Variants in MPPED2 observed in about 807,000 individuals in gnomAD.
The protein encoded by MPPED2 is metallophosphoesterase domain containing 2.
Under a neutral mutation model 33.0 loss-of-function variants are expected in MPPED2, and 5 were observed. That is an observed-to-expected ratio of 0.15 (90% CI 0.08 to 0.32). The LOEUF (loss-of-function observed/expected upper bound fraction) is 0.32, where lower values mean the gene tolerates loss of function less well. MPPED2 is among the 10% of genes least tolerant of loss of function. The pLI is 1.00. For missense variants in MPPED2, 275 were observed against 372.1 expected, an observed-to-expected ratio of 0.74 and a Z score of 2.15; for synonymous variants, 136 against 141.9, an observed-to-expected ratio of 0.96 and a Z score of 0.29.
At position 30,410,788 on chromosome 11, in the gene MPPED2, T is replaced by C. The variant is rs913477230; in HGVS notation, c.*680A>G. On this transcript the variant is annotated 3_prime_UTR_variant, in exon 7 of 7. Transcript: ENST00000358117. ...GTATGAAATACCTGCTCTTGACAGA[T>C]TCCATTTCTGTATTTTTAAAGCTGA... 1 of 985,328 alleles carries C rather than the reference T, an allele frequency of 1.0e-6. No homozygotes were observed. Among genetic ancestry groups the C allele is most frequent in the Admixed American group, 6.2e-5 (1 of 16,260 alleles). The allele number at this position is 985,328 out of a possible 1,614,324, so 61.0% of individuals were successfully genotyped here.
chr11:30,489,674 C>G (rs1051608440), intron 4 of MPPED2, among the ~76,000 whole-genome samples: 5 of 152,188 alleles, frequency 3.3e-5, no homozygotes, highest in Admixed American at 2.6e-4. Flanking sequence ...TCCACTCTAA[C>G]GTGAAAAAAT....
chr11:30,553,256 A>T (rs566021811), intron 2 of MPPED2, among the ~76,000 whole-genome samples: 1 of 152,310 alleles, frequency 6.6e-6, no homozygotes, highest in East Asian at 1.9e-4. Flanking sequence ...TTTCTTTTTT[A>T]AAAAAGAAGG....
At chr11:30,528,062 C>G (rs536905383) in intron 3 of MPPED2, among the ~76,000 whole-genome samples, 39 of 152,080 alleles carry the variant, frequency 2.6e-4, no homozygotes, top group South Asian at 2.1e-4. Context: ...ATGTTGAAAC[C>G]AGGATTTAAA....
intron 3 of MPPED2, among the ~76,000 whole-genome samples, chr11:30,509,653 C>T (rs1275362563): frequency 1.3e-5 from 2 of 152,114 alleles, no homozygotes; most frequent in Non-Finnish European, 2.9e-5. Flanking sequence ...TGAAAGAATC[C>T]ATGCTAATTT....
intron 4 of MPPED2, chr11:30,425,551 A>G (rs757388216): frequency 6.6e-6 from 1 of 152,182 alleles, no homozygotes; most frequent in Non-Finnish European, 1.5e-5. Context: ...ACGCCCATCC[A>G]TCATGCAAAG....
chr11:30,531,283 C>T (rs1954510332), intron 3 of MPPED2, among the ~76,000 whole-genome samples: 1 of 152,162 alleles, frequency 6.6e-6, no homozygotes, highest in Non-Finnish European at 1.5e-5. Flanking sequence ...AGACTAGATG[C>T]CCTGAAGACA....
intron 2 of MPPED2, among the ~76,000 whole-genome samples, chr11:30,565,531 C>A (rs1181348543): frequency 1.3e-5 from 2 of 152,134 alleles, no homozygotes; most frequent in Non-Finnish European, 2.9e-5. Flanking sequence ...CAGCTCCAAC[C>A]CTGCACTCAA....
chr11:30,417,763 AG>A (rs1241098602), intron 4 of MPPED2, 130 bp from the exon 5 acceptor site: 1 of 616,012 alleles, frequency 1.6e-6, no homozygotes, highest in Admixed American at 2.5e-5. Flanking sequence ...TGGCCCTGGC[AG>A]CAGGATGCTT....
At chr11:30,523,987 A>ACCGCGCGG (rs1954019903) in intron 3 of MPPED2, among the ~76,000 whole-genome samples, 1 of 152,116 alleles carries the variant, frequency 6.6e-6, no homozygotes, top group Non-Finnish European at 1.5e-5. Context: ...GCGGTGGCTC[A>ACCGCGCGG]TGCCTGTAAT....
intron 2 of MPPED2, among the ~76,000 whole-genome samples, chr11:30,565,209 C>T (rs1231726581): frequency 3.3e-5 from 5 of 152,060 alleles, no homozygotes; most frequent in Admixed American, 2.6e-4. Context: ...TTTATGGACG[C>T]GAGGAACTGA....
intron 2 of MPPED2, among the ~76,000 whole-genome samples, chr11:30,542,859 T>C (rs559618520): frequency 1.3e-5 from 2 of 152,296 alleles, no homozygotes; most frequent in South Asian, 2.1e-4. Context: ...CACTTAATTT[T>C]GCAAGCTAAA....
chr11:30,428,341 G>A (rs767316479), intron 4 of MPPED2, among the ~76,000 whole-genome samples: 46 of 152,148 alleles, frequency 3.0e-4, no homozygotes, highest in South Asian at 8.3e-4. Context: ...ACCAAGAGGT[G>A]AGCAAAGTAT....
intron 4 of MPPED2, among the ~76,000 whole-genome samples, chr11:30,476,603 T>C (rs1333237570): frequency 6.6e-6 from 1 of 152,070 alleles, no homozygotes; most frequent in East Asian, 1.9e-4. Flanking sequence ...GACATTGATC[T>C]ATGTGTCCAC....
At position 30,543,632 on chromosome 11, in the gene MPPED2, TAAATA is replaced by T; in HGVS notation, c.129-7462_129-7458del. Among the ~76,000 whole-genome samples the T allele has an allele frequency of 2.0e-5, 3 of 152,228 alleles. No individual in the cohort carries two copies. In the Middle Eastern group the frequency reaches 0.01, roughly 518 times the overall value. On this transcript the variant is annotated intron_variant, in intron 2 of 6. Transcript: ENST00000358117. ...CATATAATCAGAATTAGCAAGACTT[TAAATA>T]AAGAGAAGTGAAATTGCAATTTACG...
chr11:30,436,648 A>G lies in MPPED2; in HGVS notation c.537-19015T>C, dbSNP rs142603905. On this transcript the variant is annotated intron_variant, in intron 4 of 6. Transcript: ENST00000358117. ...AAACATTTTGTTTGCTATTATTATT[A>G]CTGTGGGAGTTTTCTCTCCTGCTTT... Among the ~76,000 whole-genome samples the G allele has an allele frequency of 3.9e-5, 6 of 152,352 alleles. 1 individual carries two copies. The highest frequency in any genetic ancestry group is 1.4e-4 in the African/African-American group (6 of 41,584).
intron 2 of MPPED2, among the ~76,000 whole-genome samples, chr11:30,572,238 T>C (rs1397174538): frequency 6.6e-6 from 1 of 152,126 alleles, no homozygotes; most frequent in African/African-American, 2.4e-5. Flanking sequence ...TTATGCAACA[T>C]ACAGCTAGGG....
chr11:30,579,269 T>G (rs1354703406), intron 2 of MPPED2, among the ~76,000 whole-genome samples: 2 of 152,126 alleles, frequency 1.3e-5, no homozygotes, highest in African/African-American at 2.4e-5. Flanking sequence ...AAAGAGCTTG[T>G]GACTTGGACA....
At chr11:30,502,770 A>G (rs1449572417) in intron 3 of MPPED2, among the ~76,000 whole-genome samples, 1 of 152,226 alleles carries the variant, frequency 6.6e-6, no homozygotes, top group Non-Finnish European at 1.5e-5. Context: ...GCACATGTGC[A>G]TCAGCATTTT....
chr11:30,484,246 C>T (rs1327714457), intron 4 of MPPED2, among the ~76,000 whole-genome samples: 1 of 152,122 alleles, frequency 6.6e-6, no homozygotes, highest in Non-Finnish European at 1.5e-5. Flanking sequence ...CCTAGGAAGA[C>T]TATTATTTAA....
Sources: gnomAD v4.1 joint callset for allele counts (sites outside exome capture counted in the v4.1 genomes callset) on GRCh38, gnomAD v4.1.1 for gene constraint, MANE v1.5 for transcripts, NCBI Gene and HGNC (gene_info 2026-07-23, HGNC 2026-07-21) for gene names.